Variants in TGIF2 observed in about 807,000 individuals in gnomAD.
TGIF2 encodes homeobox protein TGIF2.
A neutral mutation model predicts 15.1 loss-of-function variants in TGIF2; 5 were observed. The ratio of observed to expected loss-of-function variants is 0.33; its 90% CI spans 0.17 to 0.70. The LOEUF (loss-of-function observed/expected upper bound fraction) is 0.70, where lower values mean the gene tolerates loss of function less well. Ranked by LOEUF, TGIF2 falls within the 30% of genes least tolerant of loss-of-function variation. The probability of loss-of-function intolerance (pLI) is 0.67; values close to 1 mark genes in which losing one functional copy is unlikely to be tolerated. For missense variants in TGIF2, 264 were observed against 302.5 expected, an observed-to-expected ratio of 0.87 and a Z score of 0.94; for synonymous variants, 131 against 128.9, an observed-to-expected ratio of 1.02 and a Z score of -0.11.
At position 36,575,218 on chromosome 20, in the gene TGIF2, G is replaced by C. The variant is rs539471226; in HGVS notation, c.-35+1473G>C. ...TTTGTAAGGCTTGAGCGATGGGTCC[G>C]GGCCAGTTATCCTAGCGCTGTTGGT... On this transcript the variant is annotated intron_variant, in intron 1 of 2. Coordinates refer to ENST00000373872, the MANE Select transcript of TGIF2 (RefSeq NM_021809.7). Among the ~76,000 whole-genome samples, 6 of 152,040 alleles carry C rather than the reference G, an allele frequency of 3.9e-5. No homozygotes were observed. In the South Asian group the frequency reaches 1.2e-3, roughly 32 times the overall value.
In TGIF2 at chr20:36,591,182, GC is replaced by G; in HGVS notation, c.469del (p.Leu157TrpfsTer2). 1 of 1,614,172 alleles carries G rather than the reference GC, an allele frequency of 6.2e-7. No individual in the cohort carries two copies. Among genetic ancestry groups the G allele is most frequent in the Non-Finnish European group, 8.5e-7 (1 of 1,180,000 alleles). On this transcript the variant is annotated frameshift_variant, in exon 3 of 3. Coordinates refer to ENST00000373872, the MANE Select transcript of TGIF2 (RefSeq NM_021809.7). LOFTEE classifies it high-confidence loss of function. The surrounding 1 kb of genome is among the most constrained non-coding windows in gnomAD (Gnocchi z 5.3). ...CACGTGGGGAGCTGGAGTCTCCCAAGCCCCTGGTGACCCCTGGTAGCACACT... is the reference window on the plus strand; with the variant it reads ...CACGTGGGGAGCTGGAGTCTCCCAAGCCCTGGTGACCCCTGGTAGCACACT... ...FPRGELESPK[P>X]LVTPGSTLTL...
intron 2 of TGIF2, among the ~76,000 whole-genome samples, chr20:36,583,278 A>AC (rs973222993): frequency 5.3e-5 from 8 of 151,626 alleles, no homozygotes; most frequent in African/African-American, 1.9e-4. Context: ...TCAAAAAAAA[A>AC]AAACAAACAA....
Position 36,591,344 on chromosome 20 carries a change from T to G in TGIF2, c.627T>G (p.Ala209=). The change falls in exon 3 of 3, where the codon GCT becomes GCG. Residue 209 remains alanine (A), a synonymous_variant. Coordinates refer to ENST00000373872, the MANE Select transcript of TGIF2 (RefSeq NM_021809.7). This position sits in a 1 kb window ranked among gnomAD's most constrained non-coding sequence, Gnocchi z 5.3. The part of the protein sequence containing the change: ...QLLVEVALQR[A]AEMELQKQQD... Reference sequence around the variant, plus strand: ...TGGTGGAGGTGGCGCTACAGAGGGCTGCTGAGATGGAGCTTCAGAAGCAGC... The same window carrying G: ...TGGTGGAGGTGGCGCTACAGAGGGCGGCTGAGATGGAGCTTCAGAAGCAGC... 1 of 1,614,206 alleles carries G rather than the reference T, an allele frequency of 6.2e-7. No individual in the cohort carries two copies. The highest frequency in any genetic ancestry group is 8.5e-7 in the Non-Finnish European group (1 of 1,180,038).
intron 2 of TGIF2, among the ~76,000 whole-genome samples, chr20:36,590,442 C>T (rs1569532908): frequency 6.6e-6 from 1 of 152,194 alleles, no homozygotes; most frequent in Admixed American, 6.5e-5. Flanking sequence ...TTAGTAGAGA[C>T]AGGGTTTCAC....
chr20:36,576,265 A>C (rs996165564), intron 1 of TGIF2, among the ~76,000 whole-genome samples: 27 of 152,176 alleles, frequency 1.8e-4, no homozygotes, highest in East Asian at 7.7e-4. Flanking sequence ...TCCAAGTTAC[A>C]GTGCCAAGTG....
chr20:36,576,989 G>A (rs2147920799), intron 1 of TGIF2, among the ~76,000 whole-genome samples: 1 of 152,246 alleles, frequency 6.6e-6, no homozygotes, highest in South Asian at 2.1e-4. Flanking sequence ...ATAGGTGTGA[G>A]CCACAGCACG....
chr20:36,581,139 C>G (rs1569532230), intron 2 of TGIF2, among the ~76,000 whole-genome samples: 1 of 152,038 alleles, frequency 6.6e-6, no homozygotes, highest in Non-Finnish European at 1.5e-5. Context: ...AAAAAAACAC[C>G]TACTGGTCAG....
chr20:36,587,175 TC>T (rs2038677229), intron 2 of TGIF2, among the ~76,000 whole-genome samples: 2 of 152,150 alleles, frequency 1.3e-5, no homozygotes, highest in South Asian at 4.2e-4. Flanking sequence ...AGCCACTCAG[TC>T]CCCCCGCGTT....
chr20:36,576,998 C>T (rs760302339), intron 1 of TGIF2, among the ~76,000 whole-genome samples: 6 of 151,714 alleles, frequency 4.0e-5, no homozygotes, highest in Non-Finnish European at 8.8e-5. Flanking sequence ...AGCCACAGCA[C>T]GTGGCATTTT....
chr20:36,585,107 G>T (rs531462750), intron 2 of TGIF2, among the ~76,000 whole-genome samples: 5 of 152,204 alleles, frequency 3.3e-5, no homozygotes, highest in Admixed American at 3.3e-4. Flanking sequence ...TGAGGCAGGA[G>T]AATCACTTTT....
intron 2 of TGIF2, among the ~76,000 whole-genome samples, chr20:36,581,099 C>G (rs1569532228): frequency 6.6e-6 from 1 of 152,102 alleles, no homozygotes; most frequent in Non-Finnish European, 1.5e-5. Context: ...TGCACTCCAG[C>G]CTGGGCAACA....
In TGIF2 at chr20:36,593,772, C is replaced by G. The variant is rs2038805904; in HGVS notation, c.*2341C>G. ...AGCCATGCTGCTGAATTCTGGTTGG[C>G]ATTTCCCCATTATGTAAAATGGGGT... On this transcript the variant is annotated 3_prime_UTR_variant, in exon 3 of 3. Transcript: ENST00000373872. 1 of 152,626 alleles carries G rather than the reference C, an allele frequency of 6.6e-6. No homozygotes were observed. Among genetic ancestry groups the G allele is most frequent in the South Asian group, 2.1e-4 (1 of 4,824 alleles). 9.5% of individuals were successfully genotyped at this position (152,626 alleles called of 1,614,324 possible).
chr20:36,583,464 GAAAA>G (rs1289215446), intron 2 of TGIF2, among the ~76,000 whole-genome samples: 11 of 91,080 alleles, frequency 1.2e-4, no homozygotes, highest in Admixed American at 2.3e-4. Context: ...TCTCTAAAAA[GAAAA>G]AAAAAAAAAA....
rs1388465354 is a variant in TGIF2, at chr20:36,592,991, G to A, written c.*1560G>A. ...CCGCCACCATGTCTGGCTTTTAGTA[G>A]AGACGGGGTTTCACCATCTTGGCCA... On this transcript the variant is annotated 3_prime_UTR_variant, in exon 3 of 3. Coordinates refer to ENST00000373872, the MANE Select transcript of TGIF2 (RefSeq NM_021809.7). 6 of 152,500 alleles carry A rather than the reference G, an allele frequency of 3.9e-5. No individual in the cohort carries two copies. The highest frequency in any genetic ancestry group is 1.4e-4 in the African/African-American group (6 of 41,424). The allele number at this position is 152,500 out of a possible 1,614,324, so 9.4% of individuals were successfully genotyped here.
rs2038767372 is a variant in TGIF2, at chr20:36,591,389, A to G, written c.672A>G (p.Leu224=). 1.9e-6 allele frequency: 3 copies of G among 1,613,816 alleles called. No individual in the cohort carries two copies. The South Asian group carries it at 3.3e-5, about 18-fold the overall frequency. ...LQKQQDPSLP[L]LHTPIPLVSE... is the part of the protein sequence containing the mutation. The stretch of plus-strand genomic sequence containing the variant: ...AGCAGCAGGACCCATCACTCCCATT[A>G]CTGCACACTCCCATCCCTTTAGTCT... The change falls in exon 3 of 3, where the codon TTA becomes TTG. Residue 224 remains leucine (L), a synonymous_variant. Transcript: ENST00000373872. The surrounding 1 kb of genome is among the most constrained non-coding windows in gnomAD (Gnocchi z 5.3).
intron 1 of TGIF2, chr20:36,574,863 C>G (rs910416024): frequency 7.2e-5 from 11 of 152,762 alleles, no homozygotes; most frequent in Non-Finnish European, 1.5e-4. Flanking sequence ...GTGCGCGGCC[C>G]GGGGGAGTGT....
At chr20:36,589,136 G>T (rs2038717459) in intron 2 of TGIF2, among the ~76,000 whole-genome samples, 1 of 152,188 alleles carries the variant, frequency 6.6e-6, no homozygotes. Context: ...TTAGCTATGG[G>T]AGTTTCTCTT....
chr20:36,580,813 CAAAAA>C (rs71184101), intron 2 of TGIF2, among the ~76,000 whole-genome samples: 16 of 45,928 alleles, frequency 3.5e-4, no homozygotes, highest in African/African-American at 1.2e-3. Context: ...GACATTGTCT[CAAAAA>C]AAAAAAAAAA....
At chr20:36,579,206 C>T (rs2038494668) in intron 2 of TGIF2, among the ~76,000 whole-genome samples, 1 of 152,122 alleles carries the variant, frequency 6.6e-6, no homozygotes, top group African/African-American at 2.4e-5. Flanking sequence ...GAGTCTTGCA[C>T]TGTCACCCGG....
Sources: gnomAD v4.1 joint callset for allele counts (sites outside exome capture counted in the v4.1 genomes callset) on GRCh38, gnomAD v4.1.1 for gene constraint, Gnocchi (gnomAD v3.1) non-coding constraint, MANE v1.5 for transcripts, NCBI Gene and HGNC (gene_info 2026-07-23, HGNC 2026-07-21) for gene names.